Variants in STT3B observed in about 807,000 individuals in gnomAD.
STT3B encodes the protein dolichyl-diphosphooligosaccharide--protein glycosyltransferase subunit STT3B.
In STT3B, 29 loss-of-function variants were observed where a neutral mutation model predicts 96.8. The observed-to-expected ratio is 0.30, with a 90% CI of 0.22 to 0.41. STT3B has a LOEUF of 0.41. Among genes scored for constraint, STT3B ranks in the 10% least tolerant of loss-of-function variants. STT3B has a pLI of 1.00. For missense variants in STT3B, 640 were observed against 1,022.3 expected, an observed-to-expected ratio of 0.63 and a Z score of 5.10; for synonymous variants, 367 against 360.0, an observed-to-expected ratio of 1.02 and a Z score of -0.22.
At chr3:31,559,032 T>C (rs1697792808) in intron 1 of STT3B, among the ~76,000 whole-genome samples, 2 of 151,700 alleles carry the variant, frequency 1.3e-5, no homozygotes, top group Non-Finnish European at 2.9e-5. Context: ...TTTCTGATTA[T>C]AGTTGGGTCT....
chr3:31,588,716 A>T (rs1476314711), intron 3 of STT3B, among the ~76,000 whole-genome samples: 1 of 151,354 alleles, frequency 6.6e-6, no homozygotes, highest in African/African-American at 2.4e-5. Flanking sequence ...GTCTAGATTG[A>T]TTTTTTTTTG....
chr3:31,619,618 A>G (rs1699384274), intron 8 of STT3B, 58 bp from the exon 9 acceptor site: 1 of 1,449,602 alleles, frequency 6.9e-7, no homozygotes, highest in Admixed American at 1.9e-5. Context: ...TTCTTCATCT[A>G]AAAGGAACTC....
intron 1 of STT3B, among the ~76,000 whole-genome samples, chr3:31,569,569 C>T (rs1698088596): frequency 6.6e-6 from 1 of 152,012 alleles, no homozygotes; most frequent in Non-Finnish European, 1.5e-5. Flanking sequence ...ATTAAACTAC[C>T]ACCAAATATA....
intron 1 of STT3B, among the ~76,000 whole-genome samples, chr3:31,575,939 T>C (rs1424202781): frequency 6.6e-6 from 1 of 152,132 alleles, no homozygotes. Flanking sequence ...TTTCTTTTTC[T>C]ATAAGGCCAT....
intron 3 of STT3B, 108 bp from the exon 4 acceptor site, chr3:31,596,690 A>T: frequency 1.3e-6 from 1 of 776,042 alleles, no homozygotes; most frequent in South Asian, 1.6e-5. Flanking sequence ...TATTTTTTAG[A>T]ATAACCTTGA....
intron 14 of STT3B, among the ~76,000 whole-genome samples, chr3:31,630,368 A>C (rs778940924): frequency 4.6e-5 from 7 of 152,114 alleles, no homozygotes; most frequent in Non-Finnish European, 1.0e-4. Context: ...AGTTTCTCCC[A>C]TATATGTACC....
intron 1 of STT3B, among the ~76,000 whole-genome samples, chr3:31,535,745 C>T (rs1332754073): frequency 6.6e-6 from 1 of 152,066 alleles, no homozygotes; most frequent in East Asian, 1.9e-4. Context: ...ATATGTTTTG[C>T]TTCATTTTTT....
Position 31,635,973 on chromosome 3 carries a change from T to G in STT3B, c.2401-11T>G, listed in dbSNP as rs1163814236. 1.3e-5 allele frequency: 21 copies of G among 1,594,688 alleles called. No individual in the cohort carries two copies. The highest frequency in any genetic ancestry group is 1.4e-5 in the Non-Finnish European group (16 of 1,170,910). On this transcript the variant is annotated splice_polypyrimidine_tract_variant and intron_variant, in intron 15 of 15. Transcript: ENST00000295770. ...ACCTGCATTAATACTATGTGTTTTG[T>G]TTTTTTATAGACTACCAAAAGGAAG... is the stretch of plus-strand genomic sequence containing the variant.
At position 31,533,051 on chromosome 3, in the gene STT3B, C is replaced by G. The variant is rs573987136; in HGVS notation, c.53C>G (p.Ser18Cys). ...AAGCACAAGTCGTCCCTCAACTCGT[C>G]CCCGTGGAGTGGCCTCATGGCCCTG... ...ESKHKSSLNS[S>C]PWSGLMALGN... The change falls in exon 1 of 16, where the codon TCC becomes TGC. Residue 18 changes from serine (S) to cysteine (C), a missense_variant. Around this residue, in one of 8 missense-constraint regions of STT3B, gnomAD observed 89 missense variants for 81.7 expected, o/e 1.09. Coordinates refer to ENST00000295770, the MANE Select transcript of STT3B (RefSeq NM_178862.3). The G allele has an allele frequency of 3.2e-6, 5 of 1,584,242 alleles. No homozygotes were observed. The highest frequency in any genetic ancestry group is 4.3e-6 in the Non-Finnish European group (5 of 1,167,022).
intron 1 of STT3B, among the ~76,000 whole-genome samples, chr3:31,546,621 T>G (rs1697419328): frequency 6.6e-6 from 1 of 152,202 alleles, no homozygotes; most frequent in Non-Finnish European, 1.5e-5. Flanking sequence ...GCAGAATTGT[T>G]TAAGGTCATC....
intron 5 of STT3B, among the ~76,000 whole-genome samples, chr3:31,612,974 A>G (rs77540266): frequency 0.013 from 1,968 of 152,272 alleles, 53 homozygotes; most frequent in African/African-American, 0.042. Flanking sequence ...TAAGACAAAA[A>G]CAACATCTAT....
chr3:31,535,508 G>GAGGTCAGGAGTTCGAGACC (rs1697067976), intron 1 of STT3B, among the ~76,000 whole-genome samples: 2 of 152,048 alleles, frequency 1.3e-5, no homozygotes, highest in South Asian at 4.2e-4. Context: ...TGGATCACCT[G>GAGGTCAGGAGTTCGAGACC]AGGTCAGGAG....
chr3:31,598,191 G>T (rs1190576978), intron 4 of STT3B, among the ~76,000 whole-genome samples: 3 of 152,088 alleles, frequency 2.0e-5, no homozygotes, highest in Admixed American at 1.3e-4. Flanking sequence ...AAGTTAGATT[G>T]CATACTCAAA....
chr3:31,606,657 G>C (rs1307779700), intron 5 of STT3B, among the ~76,000 whole-genome samples: 1 of 152,216 alleles, frequency 6.6e-6, no homozygotes, highest in Non-Finnish European at 1.5e-5. Context: ...AAGTTTGCTG[G>C]AGAGGTGGGG....
chr3:31,618,636 A>G (rs1054758072), intron 8 of STT3B, among the ~76,000 whole-genome samples: 1 of 151,972 alleles, frequency 6.6e-6, no homozygotes, highest in Non-Finnish European at 1.5e-5. Flanking sequence ...AGGTGGCTCA[A>G]TAAAAAACAA....
At chr3:31,574,653 G>A (rs1698226329) in intron 1 of STT3B, among the ~76,000 whole-genome samples, 1 of 152,088 alleles carries the variant, frequency 6.6e-6, no homozygotes, top group Non-Finnish European at 1.5e-5. Flanking sequence ...TTTCCATGTT[G>A]TTGGCACACA....
At chr3:31,594,152 T>C (rs1698733805) in intron 3 of STT3B, among the ~76,000 whole-genome samples, 1 of 152,208 alleles carries the variant, frequency 6.6e-6, no homozygotes, top group South Asian at 2.1e-4. Context: ...TTCTCTGCTT[T>C]CACACCAAAA....
At chr3:31,588,893 G>C (rs1385372355) in intron 3 of STT3B, among the ~76,000 whole-genome samples, 2 of 151,914 alleles carry the variant, frequency 1.3e-5, no homozygotes, top group African/African-American at 4.8e-5. Context: ...GATTACTGTA[G>C]TTGTATGATA....
intron 7 of STT3B, 62 bp downstream of exon 7, chr3:31,617,137 C>A: frequency 7.8e-7 from 1 of 1,278,450 alleles, no homozygotes. Context: ...GAAAAATAGC[C>A]AAAGTTTCTA....
Sources: allele counts gnomAD v4.1 joint callset (sites outside exome capture counted in the v4.1 genomes callset), GRCh38; gene constraint gnomAD v4.1.1; regional missense constraint gnomAD v4.1.1; transcripts MANE v1.5; gene names NCBI Gene and HGNC (gene_info 2026-07-23, HGNC 2026-07-21).